Variants in ATP6V0D2 observed in about 807,000 individuals in gnomAD.
The protein encoded by ATP6V0D2 is ATPase H+ transporting V0 subunit d2, also known as V-type proton ATPase subunit d 2.
ATP6V0D2 carries 40 observed loss-of-function variants against 40.0 expected under a neutral mutation model. The ratio of observed to expected loss-of-function variants is 1.00; its 90% CI spans 0.78 to 1.30. ATP6V0D2 has a LOEUF of 1.30. Among genes scored for constraint, ATP6V0D2 ranks in the 50% most tolerant of loss-of-function variants. The pLI is 0.00. For synonymous variants in ATP6V0D2, 179 were observed against 156.3 expected, an observed-to-expected ratio of 1.15 and a Z score of -1.08; for missense variants, 470 against 423.1, an observed-to-expected ratio of 1.11 and a Z score of -0.97.
chr8:86,144,216 C>A (rs996725268), intron 5 of ATP6V0D2, among the ~76,000 whole-genome samples: 5 of 152,158 alleles, frequency 3.3e-5, no homozygotes, highest in African/African-American at 1.2e-4. Context: ...GGGCAGAGAT[C>A]AGAAGGATTT....
chr8:86,139,956 A>T (rs1348818564), intron 3 of ATP6V0D2, among the ~76,000 whole-genome samples: 1 of 152,236 alleles, frequency 6.6e-6, no homozygotes, highest in Admixed American at 6.5e-5. Context: ...AGGTCATAGC[A>T]AATAAATAAT....
intron 1 of ATP6V0D2, among the ~76,000 whole-genome samples, chr8:86,107,398 T>G (rs1818482109): frequency 6.6e-6 from 1 of 152,172 alleles, no homozygotes; most frequent in Admixed American, 6.5e-5. Flanking sequence ...AAGGTTTGAT[T>G]TGAAGTTTCA....
At chr8:86,126,530 G>A (rs1818747954) in intron 2 of ATP6V0D2, among the ~76,000 whole-genome samples, 1 of 151,700 alleles carries the variant, frequency 6.6e-6, no homozygotes, top group Non-Finnish European at 1.5e-5. Context: ...AATTAGTACT[G>A]GAATCCAAGC....
intron 7 of ATP6V0D2, among the ~76,000 whole-genome samples, chr8:86,152,063 T>C (rs553255720): frequency 2.6e-5 from 4 of 152,246 alleles, no homozygotes; most frequent in African/African-American, 9.6e-5. Context: ...CTCCTAATGC[T>C]ATCCCTCCCC....
intron 1 of ATP6V0D2, among the ~76,000 whole-genome samples, chr8:86,101,462 G>GAAAAAAAAAAAAAAAAAAAAAAAAA: frequency 1.3e-5 from 1 of 78,196 alleles, no homozygotes. Context: ...CCTGTCTCAG[G>GAAAAAAAAAAAAAAAAAAAAAAAAA]AAAAAAAAAA....
intron 5 of ATP6V0D2, among the ~76,000 whole-genome samples, chr8:86,146,475 C>T (rs190762918): frequency 2.0e-5 from 3 of 152,164 alleles, no homozygotes; most frequent in East Asian, 1.9e-4. Flanking sequence ...GCAGAAGAAT[C>T]GCTTGAAGCC....
intron 5 of ATP6V0D2, among the ~76,000 whole-genome samples, chr8:86,149,052 G>GCAAAAAAAAAA (rs1819107111): frequency 1.4e-5 from 1 of 69,000 alleles, no homozygotes; most frequent in Non-Finnish European, 2.5e-5. Flanking sequence ...ATCTCCAAAG[G>GCAAAAAAAAAA]AAGAAAAAAA....
At chr8:86,115,159 T>G (rs780618219) in intron 2 of ATP6V0D2, among the ~76,000 whole-genome samples, 3 of 151,592 alleles carry the variant, frequency 2.0e-5, no homozygotes, top group Non-Finnish European at 4.4e-5. Context: ...TCCAAGAAAA[T>G]ATAATAAGAG....
intron 5 of ATP6V0D2, among the ~76,000 whole-genome samples, chr8:86,147,986 T>G (rs892942319): frequency 2.0e-5 from 3 of 152,224 alleles, no homozygotes; most frequent in Non-Finnish European, 4.4e-5. Context: ...TTCCCAATGA[T>G]TGAGCCATGA....
At chr8:86,106,017 C>T (rs1311019325) in intron 1 of ATP6V0D2, among the ~76,000 whole-genome samples, 2 of 152,120 alleles carry the variant, frequency 1.3e-5, no homozygotes, top group Non-Finnish European at 2.9e-5. Context: ...TCTGAAAATA[C>T]ACACTGGAAA....
chr8:86,102,677 T>C (rs1479748949), intron 1 of ATP6V0D2, among the ~76,000 whole-genome samples: 1 of 152,240 alleles, frequency 6.6e-6, no homozygotes, highest in Non-Finnish European at 1.5e-5. Context: ...TTGTGCTTAA[T>C]TGTGTGCATA....
chr8:86,112,116 A>T (rs764068412), intron 1 of ATP6V0D2, among the ~76,000 whole-genome samples: 21 of 152,212 alleles, frequency 1.4e-4, no homozygotes, highest in Non-Finnish European at 2.2e-4. Context: ...TAACACTTAC[A>T]TGTTGGGTTC....
At chr8:86,110,459 T>C (rs944540399) in intron 1 of ATP6V0D2, among the ~76,000 whole-genome samples, 2 of 152,200 alleles carry the variant, frequency 1.3e-5, no homozygotes, top group Admixed American at 6.5e-5. Flanking sequence ...GAGGCAGAAA[T>C]AGTTCAGTAA....
intron 1 of ATP6V0D2, among the ~76,000 whole-genome samples, chr8:86,108,148 C>G (rs186230670): frequency 1.7e-3 from 264 of 152,192 alleles, no homozygotes; most frequent in African/African-American, 6.1e-3. Flanking sequence ...TTGTTTGTTT[C>G]TTTTCTTTTT....
At chr8:86,129,077 G>A (rs562546836) in intron 2 of ATP6V0D2, among the ~76,000 whole-genome samples, 15 of 152,328 alleles carry the variant, frequency 9.8e-5, no homozygotes, top group African/African-American at 3.1e-4. Flanking sequence ...AACAGTGTAT[G>A]TCCTCCTTTA....
chr8:86,128,227 T>G (rs920949147), intron 2 of ATP6V0D2, among the ~76,000 whole-genome samples: 10 of 152,154 alleles, frequency 6.6e-5, no homozygotes, highest in Non-Finnish European at 1.5e-4. Flanking sequence ...TGGGTGCCTG[T>G]AATCCCAGCT....
At chr8:86,121,763 A>T (rs1244269716) in intron 2 of ATP6V0D2, among the ~76,000 whole-genome samples, 1 of 152,208 alleles carries the variant, frequency 6.6e-6, no homozygotes, top group African/African-American at 2.4e-5. Flanking sequence ...GGGTCTCTCT[A>T]GCACCCATGA....
chr8:86,099,467 G>A (rs1254003088), intron 1 of ATP6V0D2, among the ~76,000 whole-genome samples: 1 of 152,020 alleles, frequency 6.6e-6, no homozygotes, highest in African/African-American at 2.4e-5. Context: ...TCTCTATTTT[G>A]AAGTAAGATA....
intron 1 of ATP6V0D2, among the ~76,000 whole-genome samples, chr8:86,107,562 T>C (rs1818484000): frequency 6.6e-6 from 1 of 152,216 alleles, no homozygotes; most frequent in African/African-American, 2.4e-5. Context: ...AGATTATGTA[T>C]ACTAAAACCA....
Sources: allele counts gnomAD v4.1 joint callset (sites outside exome capture counted in the v4.1 genomes callset), GRCh38; gene constraint gnomAD v4.1.1; transcripts MANE v1.5; gene names NCBI Gene and HGNC (gene_info 2026-07-23, HGNC 2026-07-21).